The following FOXP1 variants were observed in gnomAD, a reference collection of about 807,000 sequenced individuals.
FOXP1 encodes forkhead box protein P1.
In FOXP1, 15 loss-of-function variants were observed where a neutral mutation model predicts 98.2. That is an observed-to-expected ratio of 0.15 (90% CI 0.10 to 0.24). FOXP1 has a LOEUF of 0.24. Among genes scored for constraint, FOXP1 ranks in the 10% least tolerant of loss-of-function variants. The pLI, the probability that FOXP1 is intolerant of heterozygous loss-of-function variation, is 1.00. For synonymous variants in FOXP1, 371 were observed against 314.5 expected (o/e 1.18, Z -1.90); for missense variants, 633 against 848.5 (o/e 0.75, Z 3.15).
chr3:71,176,930 G>C (rs2061976334), intron 6 of FOXP1, among the ~76,000 whole-genome samples: 1 of 151,970 alleles, frequency 6.6e-6, no homozygotes. Flanking sequence ...GGGTGTGGTG[G>C]TGGGCGCCTG....
chr3:71,498,178 A>T (rs143375724), intron 2 of FOXP1, among the ~76,000 whole-genome samples: 23 of 152,340 alleles, frequency 1.5e-4, no homozygotes, highest in African/African-American at 4.3e-4. Flanking sequence ...AAAGCAAAGG[A>T]ACCCAAATCC....
intron 5 of FOXP1, among the ~76,000 whole-genome samples, chr3:71,287,439 C>T (rs547907634): frequency 6.6e-6 from 1 of 152,120 alleles, no homozygotes; most frequent in African/African-American, 2.4e-5. Flanking sequence ...CACCACTGCA[C>T]TCCAGCCTGG....
At chr3:71,401,204 C>T (rs939877866) in intron 3 of FOXP1, among the ~76,000 whole-genome samples, 1 of 152,164 alleles carries the variant, frequency 6.6e-6, no homozygotes, top group Non-Finnish European at 1.5e-5. Context: ...CTGCACATTG[C>T]CCCCTGGGTA....
intron 10 of FOXP1, among the ~76,000 whole-genome samples, chr3:71,041,770 C>T (rs2048377199): frequency 6.6e-6 from 1 of 151,978 alleles, no homozygotes; most frequent in Admixed American, 6.6e-5. Flanking sequence ...GAAAGTGACT[C>T]AAAACACAGT....
At chr3:70,972,066 G>T in intron 18 of FOXP1, 1 of 1,516,802 alleles carries the variant, frequency 6.6e-7, no homozygotes, top group Non-Finnish European at 8.8e-7. Flanking sequence ...GGACGGCCTC[G>T]TTGAATATGG....
At chr3:71,041,201 C>T (rs2048290048) in intron 11 of FOXP1, 127 bp downstream of exon 11, 3 of 781,376 alleles carry the variant, frequency 3.8e-6, no homozygotes, top group Middle Eastern at 7.0e-4. Context: ...ATACATTCCT[C>T]AGTAATTATA....
Position 71,011,954 on chromosome 3 carries a change from G to C in FOXP1, c.974+3595C>G, listed in dbSNP as rs540836903. On this transcript the variant is annotated intron_variant, in intron 12 of 20. Coordinates refer to ENST00000649528, the MANE Select transcript of FOXP1 (RefSeq NM_001349338.3). The stretch of plus-strand genomic sequence containing the variant: ...ACGAAAATTATTCTCTCTCCTTTTT[G>C]GGATAATCTTCTAATAAATATAACC... Among the ~76,000 whole-genome samples the C allele has an allele frequency of 6.6e-5, 10 of 151,814 alleles. 1 individual carries two copies. In the South Asian group the frequency reaches 1.9e-3, roughly 29 times the overall value.
At chr3:71,381,155 T>G (rs992161633) in intron 3 of FOXP1, among the ~76,000 whole-genome samples, 1 of 147,756 alleles carries the variant, frequency 6.8e-6, no homozygotes, top group African/African-American at 2.5e-5. Context: ...GGTTCTCTCT[T>G]TTTTTTTTTT....
At chr3:71,252,934 G>T (rs937257416) in intron 5 of FOXP1, among the ~76,000 whole-genome samples, 3 of 152,192 alleles carry the variant, frequency 2.0e-5, no homozygotes, top group Non-Finnish European at 2.9e-5. Context: ...AGAAACCAAA[G>T]GAAGGATTCA....
chr3:71,522,622 G>C (rs1176928234), intron 2 of FOXP1, among the ~76,000 whole-genome samples: 4 of 152,204 alleles, frequency 2.6e-5, no homozygotes, highest in Admixed American at 2.0e-4. Flanking sequence ...AAATATAGCA[G>C]GTGGCACTAG....
In FOXP1 at chr3:70,957,906, C is replaced by T. The variant is rs1381285497; in HGVS notation, c.*1341G>A. On this transcript the variant is annotated 3_prime_UTR_variant, in exon 21 of 21. Transcript: ENST00000649528. ...GAATTTGCATTCAAACAGTTTAATG[C>T]CACCAAGTAGGTCTGAACTAATGTA... 4.3e-6 allele frequency: 1 copy of T among 234,820 alleles called. No homozygotes were observed. The highest frequency in any genetic ancestry group is 8.4e-6 in the Non-Finnish European group (1 of 118,824). 14.5% of individuals were successfully genotyped at this position (234,820 alleles called of 1,614,324 possible).
intron 3 of FOXP1, among the ~76,000 whole-genome samples, chr3:71,413,130 G>A (rs888241764): frequency 3.2e-3 from 274 of 85,814 alleles, no homozygotes; most frequent in Middle Eastern, 6.8e-3. Flanking sequence ...ACACACACAC[G>A]CACCCCCAAA....
chr3:71,328,629 G>A (rs919046368), intron 4 of FOXP1, among the ~76,000 whole-genome samples: 1 of 152,164 alleles, frequency 6.6e-6, no homozygotes, highest in Non-Finnish European at 1.5e-5. Context: ...GTGAAGAAAT[G>A]CATAACCCTT....
In FOXP1 at chr3:71,046,630, A is replaced by G. The variant is rs534325655; in HGVS notation, c.664+312T>C. Among the ~76,000 whole-genome samples, 5 of 152,346 alleles carry G rather than the reference A, an allele frequency of 3.3e-5. No individual in the cohort carries two copies. The South Asian group carries it at 1.0e-3, about 32-fold the overall frequency. ...GGAAAATTCCTTTGTGGTTCCAAACAGAAACACTGCAAGAGTCCATTAAAA... is the reference window on the plus strand; with the variant it reads ...GGAAAATTCCTTTGTGGTTCCAAACGGAAACACTGCAAGAGTCCATTAAAA... On this transcript the variant is annotated intron_variant, in intron 10 of 20. Coordinates refer to ENST00000649528, the MANE Select transcript of FOXP1 (RefSeq NM_001349338.3).
At chr3:71,550,822 T>G (rs1484879877) in intron 2 of FOXP1, among the ~76,000 whole-genome samples, 2 of 152,182 alleles carry the variant, frequency 1.3e-5, no homozygotes, top group Non-Finnish European at 2.9e-5. Flanking sequence ...CTCCGCAGCA[T>G]ACAGCTGAGG....
intron 3 of FOXP1, among the ~76,000 whole-genome samples, chr3:71,466,646 A>G (rs1009794767): frequency 6.6e-6 from 1 of 152,112 alleles, no homozygotes; most frequent in Non-Finnish European, 1.5e-5. Flanking sequence ...AGAAAACAAC[A>G]CTGGACAATG....
chr3:71,454,802 A>AC (rs201873396), intron 3 of FOXP1, among the ~76,000 whole-genome samples: 41,317 of 99,064 alleles, frequency 0.42, 6,007 homozygotes, highest in Non-Finnish European at 0.53. Context: ...TTTAAAAAAA[A>AC]AAACAAAAAA....
intron 7 of FOXP1, among the ~76,000 whole-genome samples, chr3:71,072,088 G>A (rs948542819): frequency 5.9e-5 from 9 of 152,170 alleles, no homozygotes; most frequent in African/African-American, 1.7e-4. Context: ...TCAGGAGGCC[G>A]AGAGAGGAGG....
chr3:71,210,376 CT>C (rs981284625), intron 5 of FOXP1, among the ~76,000 whole-genome samples: 5 of 152,206 alleles, frequency 3.3e-5, no homozygotes, highest in African/African-American at 4.8e-5. Context: ...CAACCATCAT[CT>C]TTCCCCAAAT....
Sources: gnomAD v4.1 joint callset for allele counts (sites outside exome capture counted in the v4.1 genomes callset) on GRCh38, gnomAD v4.1.1 for gene constraint, MANE v1.5 for transcripts, NCBI Gene and HGNC (gene_info 2026-07-23, HGNC 2026-07-21) for gene names.